The following AGBL4 variants were observed in gnomAD, a reference collection of about 807,000 sequenced individuals.
AGBL4 encodes the protein cytosolic carboxypeptidase 6.
Under a neutral mutation model 66.4 loss-of-function variants are expected in AGBL4, and 58 were observed. The ratio of observed to expected loss-of-function variants is 0.87; its 90% CI spans 0.71 to 1.09. The LOEUF (loss-of-function observed/expected upper bound fraction) is 1.09, where lower values mean the gene tolerates loss of function less well. AGBL4 is among the 50% of genes least tolerant of loss of function. The probability of loss-of-function intolerance (pLI) is 0.00; values close to 1 mark genes in which losing one functional copy is unlikely to be tolerated. For synonymous variants in AGBL4, 234 were observed against 222.9 expected, an observed-to-expected ratio of 1.05 and a Z score of -0.44; for missense variants, 579 against 631.0, an observed-to-expected ratio of 0.92 and a Z score of 0.88.
chr1:49,241,560 T>C (rs1413422557), intron 4 of AGBL4, among the ~76,000 whole-genome samples: 1 of 152,016 alleles, frequency 6.6e-6, no homozygotes, highest in African/African-American at 2.4e-5. Context: ...TTACTAGAGC[T>C]ACATATTTAA....
At chr1:49,471,241 T>C (rs1646737585) in intron 3 of AGBL4, among the ~76,000 whole-genome samples, 1 of 152,022 alleles carries the variant, frequency 6.6e-6, no homozygotes, top group Non-Finnish European at 1.5e-5. Flanking sequence ...ATTTTTGCTT[T>C]GGTATCAAGG....
intron 5 of AGBL4, among the ~76,000 whole-genome samples, chr1:48,889,658 G>A (rs1036726947): frequency 1.3e-5 from 2 of 152,168 alleles, no homozygotes; most frequent in Non-Finnish European, 2.9e-5. Context: ...TCCAGACTAA[G>A]TATTTCATAA....
At chr1:48,713,433 A>C (rs150683421) in intron 6 of AGBL4, among the ~76,000 whole-genome samples, 133 of 152,208 alleles carry the variant, frequency 8.7e-4, no homozygotes, top group African/African-American at 3.1e-3. Context: ...TAGTGGTGGA[A>C]AAGGTTGGGG....
intron 6 of AGBL4, among the ~76,000 whole-genome samples, chr1:48,800,705 A>G (rs1169409092): frequency 6.6e-6 from 1 of 152,202 alleles, no homozygotes; most frequent in Non-Finnish European, 1.5e-5. Context: ...ATTATCATTC[A>G]GTTCAAATAA....
intron 3 of AGBL4, among the ~76,000 whole-genome samples, chr1:49,469,021 A>C (rs1646686429): frequency 6.6e-6 from 1 of 151,796 alleles, no homozygotes; most frequent in Admixed American, 6.6e-5. Context: ...ATTTCAGATG[A>C]ACACATTATA....
intron 9 of AGBL4, among the ~76,000 whole-genome samples, chr1:48,602,350 C>G (rs1258246477): frequency 1.3e-5 from 2 of 152,206 alleles, no homozygotes; most frequent in African/African-American, 4.8e-5. Context: ...GCTCTTTCCA[C>G]CATTATATCC....
chr1:48,957,821 A>G (rs913774270), intron 5 of AGBL4, among the ~76,000 whole-genome samples: 27 of 152,284 alleles, frequency 1.8e-4, no homozygotes, highest in Non-Finnish European at 2.8e-4. Flanking sequence ...ATGATGATCA[A>G]TCAATCAATT....
At chr1:49,643,545 T>G (rs1414568375) in intron 3 of AGBL4, among the ~76,000 whole-genome samples, 1 of 151,410 alleles carries the variant, frequency 6.6e-6, no homozygotes, top group Non-Finnish European at 1.5e-5. Flanking sequence ...ATAAATTGCT[T>G]AAAAACAATG....
intron 8 of AGBL4, among the ~76,000 whole-genome samples, chr1:48,649,414 T>G (rs1645891282): frequency 6.6e-6 from 1 of 152,240 alleles, no homozygotes; most frequent in Non-Finnish European, 1.5e-5. Flanking sequence ...GTAACTGTTA[T>G]CTATTGTTAT....
chr1:49,791,076 G>A (rs984227148), intron 2 of AGBL4, among the ~76,000 whole-genome samples: 14 of 152,098 alleles, frequency 9.2e-5, no homozygotes, highest in Non-Finnish European at 4.4e-5. Context: ...TGTGAAGTAT[G>A]AAGTATCAAG....
At chr1:49,559,847 A>G (rs1264811857) in intron 3 of AGBL4, among the ~76,000 whole-genome samples, 2 of 152,104 alleles carry the variant, frequency 1.3e-5, no homozygotes, top group Non-Finnish European at 2.9e-5. Context: ...CAGACAGCCT[A>G]TTGGGAAATT....
chr1:48,832,230 G>A (rs1646570055), intron 6 of AGBL4, among the ~76,000 whole-genome samples: 1 of 152,172 alleles, frequency 6.6e-6, no homozygotes, highest in South Asian at 2.1e-4. Context: ...TCCTGGAGCT[G>A]CATCCGCTCA....
chr1:49,845,972 C>G (rs1646131372), intron 2 of AGBL4: 1 of 1,572,036 alleles, frequency 6.4e-7, no homozygotes, highest in South Asian at 1.1e-5. Context: ...CACCAAACAT[C>G]AGCGAAACCA....
chr1:49,837,551 A>G (rs1645882872), intron 2 of AGBL4, among the ~76,000 whole-genome samples: 2 of 152,218 alleles, frequency 1.3e-5, no homozygotes, highest in African/African-American at 4.8e-5. Context: ...GACAATTAAA[A>G]CAGAGCTTCT....
chr1:49,675,353 A>G (rs914888419), intron 3 of AGBL4, among the ~76,000 whole-genome samples: 5 of 152,106 alleles, frequency 3.3e-5, no homozygotes, highest in Admixed American at 3.3e-4. Context: ...TCATTTATAA[A>G]TTGGAGTTAA....
At chr1:49,114,503 C>A (rs1645476372) in intron 4 of AGBL4, among the ~76,000 whole-genome samples, 1 of 152,206 alleles carries the variant, frequency 6.6e-6, no homozygotes, top group African/African-American at 2.4e-5. Context: ...TGTGTATTTA[C>A]TGGCAGAACA....
chr1:49,423,024 T>G (rs2148644965), intron 3 of AGBL4: 1 of 152,366 alleles, frequency 6.6e-6, no homozygotes, highest in East Asian at 1.9e-4. Context: ...TATGTTCACC[T>G]CTTCTAAGCC....
At chr1:48,554,810 C>T (rs917741707) in intron 11 of AGBL4, among the ~76,000 whole-genome samples, 1 of 152,188 alleles carries the variant, frequency 6.6e-6, no homozygotes, top group African/African-American at 2.4e-5. Context: ...TAATACCACT[C>T]AGTTAGCAAG....
intron 2 of AGBL4, among the ~76,000 whole-genome samples, chr1:49,744,291 A>G (rs887732488): frequency 6.6e-6 from 1 of 150,838 alleles, no homozygotes; most frequent in African/African-American, 2.4e-5. Flanking sequence ...TATCATCTCC[A>G]CCCTCTCTCT....
Sources: gnomAD v4.1 joint callset for allele counts (sites outside exome capture counted in the v4.1 genomes callset) on GRCh38, gnomAD v4.1.1 for gene constraint, MANE v1.5 for transcripts, NCBI Gene and HGNC (gene_info 2026-07-23, HGNC 2026-07-21) for gene names.